PPFIA1: variants seen among roughly 807,000 people sequenced by gnomAD.
PPFIA1 encodes the protein PPFI scaffold protein A1.
In PPFIA1, 25 loss-of-function variants were observed where a neutral mutation model predicts 149.9. That is an observed-to-expected ratio of 0.17 (90% CI 0.12 to 0.23). PPFIA1 has a LOEUF of 0.23. PPFIA1 is among the 10% of genes least tolerant of loss of function. The pLI is 1.00. For missense variants in PPFIA1, 1,362 were observed against 1,506.5 expected, an observed-to-expected ratio of 0.90 and a Z score of 1.59; for synonymous variants, 549 against 552.8, an observed-to-expected ratio of 0.99 and a Z score of 0.10.
At chr11:70,363,693 T>C (rs956867367) in intron 21 of PPFIA1, among the ~76,000 whole-genome samples, 1 of 151,550 alleles carries the variant, frequency 6.6e-6, no homozygotes, top group African/African-American at 2.4e-5. Flanking sequence ...TCTAAAAACT[T>C]CTTAGAGACA....
chr11:70,307,437 A>G (rs540912512), intron 2 of PPFIA1, among the ~76,000 whole-genome samples: 2 of 152,338 alleles, frequency 1.3e-5, no homozygotes, highest in Admixed American at 1.3e-4. Flanking sequence ...GAAGAAAAGC[A>G]AGGGCGAAAG....
chr11:70,345,517 G>T (rs1039221829), intron 15 of PPFIA1, among the ~76,000 whole-genome samples: 1 of 152,132 alleles, frequency 6.6e-6, no homozygotes, highest in African/African-American at 2.4e-5. Flanking sequence ...AGTCAGAGAT[G>T]ACTCCAAGCC....
intron 2 of PPFIA1, among the ~76,000 whole-genome samples, chr11:70,302,129 G>T (rs571960479): frequency 6.6e-6 from 1 of 152,220 alleles, no homozygotes; most frequent in African/African-American, 2.4e-5. Flanking sequence ...GTTGCCCTCA[G>T]GGGCCAGAAG....
At chr11:70,288,343 T>C (rs892810710) in intron 2 of PPFIA1, among the ~76,000 whole-genome samples, 2 of 152,218 alleles carry the variant, frequency 1.3e-5, no homozygotes, top group Non-Finnish European at 2.9e-5. Context: ...GTGCTGGGAT[T>C]ACAGGCATCA....
rs1331676479 is a variant in PPFIA1 at position 70,348,352 on chromosome 11, C to T, written c.2095C>T (p.Arg699Cys). ...TAGCTCCTCCCCTCCGGGCAGTGGG[C>T]GCTCCACCCCACGAAGGATCCCTCA... ...LASSSPPGSG[R>C]STPRRIPHSP... The change falls in exon 16 of 28, where the codon CGC becomes TGC. Residue 699 changes from arginine to cysteine, a missense_variant. This residue lies in a region of PPFIA1 where 733 missense variants were observed against 744.1 expected (regional missense o/e 0.99). Transcript: ENST00000253925. 8.7e-6 allele frequency: 14 copies of T among 1,614,072 alleles called. No homozygotes were observed. The highest frequency in any genetic ancestry group is 6.7e-5 in the East Asian group (3 of 44,862).
intron 2 of PPFIA1, chr11:70,319,786 C>G (rs1381391557): frequency 6.6e-6 from 1 of 152,404 alleles, no homozygotes; most frequent in Non-Finnish European, 1.5e-5. Context: ...TACACGCTGC[C>G]CATGCCCCAG....
Position 70,325,537 on chromosome 11 carries a change from G to A in PPFIA1, c.569G>A (p.Ser190Asn), listed in dbSNP as rs1282611906. The A allele has an allele frequency of 1.4e-5, 22 of 1,596,436 alleles. No individual in the cohort carries two copies. Among genetic ancestry groups the A allele is most frequent in the Admixed American group, 3.3e-5 (2 of 59,932 alleles). The change falls in exon 5 of 28, where the codon AGT becomes AAT. Residue 190 changes from serine to asparagine, a missense_variant. By Grantham distance (46) the Ser-to-Asn change is conservative. This residue lies in a region of PPFIA1 where 79 missense variants were observed against 146.2 expected (regional missense o/e 0.54). Transcript: ENST00000253925. The stretch of plus-strand genomic sequence containing the variant: ...TTACGAGTAGCACTTGAAAGATGTA[G>A]TTTGTTAGAAGAGGAATTAGGTGCC... Reference protein sequence around the residue: ...ERLRVALERCSLLEEELGATH... With the variant: ...ERLRVALERCNLLEEELGATH...
intron 9 of PPFIA1, 70 bp from the exon 10 acceptor site, chr11:70,333,400 T>C: frequency 1.6e-6 from 2 of 1,234,376 alleles, no homozygotes; most frequent in Middle Eastern, 1.9e-4. Flanking sequence ...CTGTTGCCAC[T>C]GCAGTGGTAT....
chr11:70,384,203 G>T lies in PPFIA1; in HGVS notation c.*1213G>T, dbSNP rs143315897. ...TGCAGCAGATCCAGAGACAGAGGCA[G>T]CCTGTCTTTTCAGTTGGTTTCTGCT... On this transcript the variant is annotated 3_prime_UTR_variant, in exon 28 of 28. Transcript: ENST00000253925. 289 of 152,396 alleles carry T rather than the reference G, an allele frequency of 1.9e-3. No individual in the cohort carries two copies. The highest frequency in any genetic ancestry group is 6.5e-3 in the African/African-American group (270 of 41,556). The allele number at this position is 152,396 out of a possible 1,614,324, so 9.4% of individuals were successfully genotyped here. A position where few individuals can be genotyped will look rare whatever the true frequency, so the allele number is the denominator to read the frequency against.
chr11:70,305,010 C>T (rs1299940639), intron 2 of PPFIA1, among the ~76,000 whole-genome samples: 1 of 152,102 alleles, frequency 6.6e-6, no homozygotes, highest in Non-Finnish European at 1.5e-5. Context: ...TTGATTGTCC[C>T]ATCACTGCCA....
At chr11:70,371,928 T>C (rs2057287209) in intron 21 of PPFIA1, 1 of 234,610 alleles carries the variant, frequency 4.3e-6, no homozygotes, top group Non-Finnish European at 8.2e-6. Flanking sequence ...CTAAAAACTA[T>C]CTCAGAGAGG....
chr11:70,382,883 G>A (rs1591412336), intron 27 of PPFIA1, 120 bp from the exon 28 acceptor site: 1 of 308,750 alleles, frequency 3.2e-6, no homozygotes, highest in Middle Eastern at 4.0e-4. Flanking sequence ...AGAAAGTGAG[G>A]GGTCCTGGAG....
intron 2 of PPFIA1, among the ~76,000 whole-genome samples, chr11:70,300,910 GCAAAAGAAACCAC>G (rs1383773939): frequency 6.6e-6 from 1 of 152,180 alleles, no homozygotes; most frequent in Non-Finnish European, 1.5e-5. Context: ...CCATGAGGGG[GCAAAAGAAACCAC>G]CAAAAGATAC....
chr11:70,330,345 T>C (rs537686509), intron 8 of PPFIA1, 26 bp downstream of exon 8: 1 of 1,529,928 alleles, frequency 6.5e-7, no homozygotes, highest in Admixed American at 2.4e-5. Context: ...GACCTTTGTC[T>C]GGCTTTAGTT....
At chr11:70,291,997 C>T (rs2051562027) in intron 2 of PPFIA1, among the ~76,000 whole-genome samples, 1 of 152,048 alleles carries the variant, frequency 6.6e-6, no homozygotes, top group Non-Finnish European at 1.5e-5. Context: ...GCCACCACAC[C>T]TGGCTAATTT....
intron 2 of PPFIA1, among the ~76,000 whole-genome samples, chr11:70,322,386 C>T (rs2053994497): frequency 6.6e-6 from 1 of 152,142 alleles, no homozygotes; most frequent in Non-Finnish European, 1.5e-5. Context: ...TAAGAAATCT[C>T]TGAAACTTAG....
At chr11:70,326,532 G>C (rs2054297591) in intron 6 of PPFIA1, 65 bp from the exon 7 acceptor site, 2 of 1,404,650 alleles carry the variant, frequency 1.4e-6, no homozygotes, top group Non-Finnish European at 9.9e-7. Context: ...CTATTTCCTG[G>C]AAGTATTTTT....
Position 70,341,464 on chromosome 11 carries a change from GT to G in PPFIA1, c.1707+2164del, listed in dbSNP as rs542016530. Among the ~76,000 whole-genome samples, 64 of 152,272 alleles carry G rather than the reference GT, an allele frequency of 4.2e-4. No individual in the cohort carries two copies. The South Asian group carries it at 0.012, about 30-fold the overall frequency. ...TTGAACAGCCGGAAGGATGGAGTCT[GT>G]TTTTTGAGATGAGGAAGACACTGGC... is the stretch of plus-strand genomic sequence containing the variant. On this transcript the variant is annotated intron_variant, in intron 14 of 27. Transcript: ENST00000253925.
chr11:70,366,469 G>GT (rs2056944428), intron 21 of PPFIA1, among the ~76,000 whole-genome samples: 1 of 152,318 alleles, frequency 6.6e-6, no homozygotes, highest in Non-Finnish European at 1.5e-5. Context: ...AAGGAATTAA[G>GT]CCTCTTCTTG....
Sources: allele counts gnomAD v4.1 joint callset (sites outside exome capture counted in the v4.1 genomes callset), GRCh38; gene constraint gnomAD v4.1.1; regional missense constraint gnomAD v4.1.1; transcripts MANE v1.5; gene names NCBI Gene and HGNC (gene_info 2026-07-23, HGNC 2026-07-21).